IL1RAPL1: variants seen among roughly 807,000 people sequenced by gnomAD.
IL1RAPL1 encodes interleukin 1 receptor accessory protein like 1.
IL1RAPL1 carries 3 observed loss-of-function variants against 48.4 expected under a neutral mutation model. That is an observed-to-expected ratio of 0.06 (90% CI 0.03 to 0.16). The LOEUF is 0.16. Ranked by LOEUF, IL1RAPL1 falls within the 10% of genes least tolerant of loss-of-function variation. The pLI is 1.00. For synonymous variants in IL1RAPL1, 185 were observed against 187.7 expected (o/e 0.99, Z 0.12); for missense variants, 349 against 530.6 (o/e 0.66, Z 3.36).
chrX:29,475,962 A>C (rs1934969183), intron 5 of IL1RAPL1, among the ~76,000 whole-genome samples: 1 of 111,701 alleles, frequency 9.0e-6, no homozygotes, highest in South Asian at 3.7e-4. Context: ...CATTAGAAAG[A>C]AAGAGAATTA....
intron 6 of IL1RAPL1, among the ~76,000 whole-genome samples, chrX:29,854,895 GCACA>G (rs202098400): frequency 3.8e-5 from 4 of 105,359 alleles, no homozygotes; most frequent in African/African-American, 1.0e-4. Flanking sequence ...TGACCAAATA[GCACA>G]CACACACACA....
At chrX:28,749,213 A>G (rs1483788853) in intron 1 of IL1RAPL1, among the ~76,000 whole-genome samples, 1 of 112,188 alleles carries the variant, frequency 8.9e-6, no homozygotes, top group Non-Finnish European at 1.9e-5. Flanking sequence ...GGATAGTGCT[A>G]CAGTAAACAG....
chrX:29,739,663 AC>A (rs1177138483), intron 6 of IL1RAPL1, among the ~76,000 whole-genome samples: 1 of 112,137 alleles, frequency 8.9e-6, no homozygotes, highest in Non-Finnish European at 1.9e-5. Context: ...TACATAAAGT[AC>A]CAACCATTCT....
At chrX:29,885,539 G>GCT (rs1932139194) in intron 6 of IL1RAPL1, among the ~76,000 whole-genome samples, 1 of 111,753 alleles carries the variant, frequency 8.9e-6, no homozygotes, top group Non-Finnish European at 1.9e-5. Context: ...AGACGGGCAT[G>GCT]GTGGCTCATG....
chrX:28,746,671 T>C (rs1021720251), intron 1 of IL1RAPL1, among the ~76,000 whole-genome samples: 3 of 111,978 alleles, frequency 2.7e-5, no homozygotes, highest in Admixed American at 9.5e-5. Context: ...TATTATGCCT[T>C]ATGAAGACCT....
intron 5 of IL1RAPL1, among the ~76,000 whole-genome samples, chrX:29,550,102 C>T (rs955250618): frequency 8.9e-5 from 10 of 111,877 alleles, no homozygotes; most frequent in Middle Eastern, 4.7e-3. Flanking sequence ...TTTGATATAC[C>T]AAGATATGAT....
chrX:28,951,337 A>G (rs1569206417), intron 2 of IL1RAPL1, among the ~76,000 whole-genome samples: 2 of 109,269 alleles, frequency 1.8e-5, no homozygotes, highest in Admixed American at 9.8e-5. Context: ...TTGTAGAAGC[A>G]TAAAGACTGG....
chrX:28,677,126 CAG>C (rs1237378867), intron 1 of IL1RAPL1, among the ~76,000 whole-genome samples: 6 of 111,667 alleles, frequency 5.4e-5, no homozygotes, highest in Non-Finnish European at 9.4e-5. Flanking sequence ...GATAATGAGA[CAG>C]ATATGTTATT....
intron 2 of IL1RAPL1, among the ~76,000 whole-genome samples, chrX:28,916,611 T>A (rs1055391805): frequency 1.1e-4 from 12 of 112,061 alleles, no homozygotes; most frequent in Admixed American, 3.8e-4. Flanking sequence ...CTGCAGAGAT[T>A]GTTAAGGGGA....
chrX:29,404,530 C>T (rs1176357131), intron 5 of IL1RAPL1, among the ~76,000 whole-genome samples: 2 of 111,352 alleles, frequency 1.8e-5, no homozygotes, highest in African/African-American at 6.5e-5. Flanking sequence ...GTACAGATAC[C>T]TTATTACAGA....
intron 2 of IL1RAPL1, among the ~76,000 whole-genome samples, chrX:29,109,397 T>C (rs1349200881): frequency 9.1e-6 from 1 of 109,702 alleles, no homozygotes; most frequent in Admixed American, 9.8e-5. Context: ...CAAACACTTG[T>C]TTTTTCTTTT....
At chrX:29,729,148 T>G (rs1326939619) in intron 6 of IL1RAPL1, among the ~76,000 whole-genome samples, 2 of 111,416 alleles carry the variant, frequency 1.8e-5, no homozygotes, top group African/African-American at 6.5e-5. Flanking sequence ...ACAGGGGATA[T>G]AACTCCAAGT....
At chrX:29,862,840 C>G (rs779355463) in intron 6 of IL1RAPL1, among the ~76,000 whole-genome samples, 16 of 108,843 alleles carry the variant, frequency 1.5e-4, no homozygotes, top group Middle Eastern at 4.6e-3. Context: ...GTGACAGACT[C>G]ATTGTGTTCT....
At chrX:29,230,234 G>A (rs1349862879) in intron 2 of IL1RAPL1, among the ~76,000 whole-genome samples, 1 of 110,659 alleles carries the variant, frequency 9.0e-6, no homozygotes, top group East Asian at 2.8e-4. Flanking sequence ...ATGGGATGAA[G>A]CCAGCTGTTA....
chrX:28,934,572 C>A (rs1285361274), intron 2 of IL1RAPL1, among the ~76,000 whole-genome samples: 3 of 111,305 alleles, frequency 2.7e-5, no homozygotes. Flanking sequence ...TAGGCAACTA[C>A]TAATTTATTT....
chrX:29,542,414 C>T (rs1449447024), intron 5 of IL1RAPL1, among the ~76,000 whole-genome samples: 2 of 111,739 alleles, frequency 1.8e-5, no homozygotes, highest in Non-Finnish European at 3.8e-5. Flanking sequence ...AATAGGCCTG[C>T]ACTTTACAGC....
At chrX:29,068,433 T>C (rs963971349) in intron 2 of IL1RAPL1, among the ~76,000 whole-genome samples, 3 of 111,968 alleles carry the variant, frequency 2.7e-5, no homozygotes, top group African/African-American at 9.7e-5. Context: ...TTTTTAGAGG[T>C]ACTATTGGAG....
Position 28,964,447 on chromosome X carries a change from A to G in IL1RAPL1, c.82+175022A>G, listed in dbSNP as rs1443010830. ...CACGAAATTAACCATTCATTTTGTTATGGGTGGTTGGCTCATATACAAATT... is the reference window on the plus strand; with the variant it reads ...CACGAAATTAACCATTCATTTTGTTGTGGGTGGTTGGCTCATATACAAATT... On this transcript the variant is annotated intron_variant, in intron 2 of 10. Coordinates refer to ENST00000378993, the MANE Select transcript of IL1RAPL1 (RefSeq NM_014271.4). Among the ~76,000 whole-genome samples the G allele has an allele frequency of 2.7e-5, 3 of 111,381 alleles. No individual in the cohort carries two copies. In the Admixed American group the frequency reaches 2.9e-4, roughly 11 times the overall value.
intron 2 of IL1RAPL1, among the ~76,000 whole-genome samples, chrX:29,269,025 G>A (rs1257724194): frequency 8.9e-6 from 1 of 112,157 alleles, no homozygotes; most frequent in East Asian, 2.8e-4. Context: ...TCGGTAGAAA[G>A]TAGCTAAAGA....
Sources: allele counts gnomAD v4.1 joint callset (sites outside exome capture counted in the v4.1 genomes callset), GRCh38; gene constraint gnomAD v4.1.1; transcripts MANE v1.5; gene names NCBI Gene and HGNC (gene_info 2026-07-23, HGNC 2026-07-21).